ZZZ3: variants seen among roughly 807,000 people sequenced by gnomAD.
The protein encoded by ZZZ3 is zinc finger ZZ-type containing 3.
ZZZ3 carries 22 observed loss-of-function variants against 95.2 expected under a neutral mutation model. That is an observed-to-expected ratio of 0.23 (90% CI 0.17 to 0.33). The LOEUF is 0.33. Among genes scored for constraint, ZZZ3 ranks in the 10% least tolerant of loss-of-function variants. The pLI is 1.00. For synonymous variants in ZZZ3, 335 were observed against 358.9 expected, an observed-to-expected ratio of 0.93 and a Z score of 0.75; for missense variants, 885 against 1,066.5, an observed-to-expected ratio of 0.83 and a Z score of 2.37.
chr1:77,611,044 T>A (rs1467321465), intron 5 of ZZZ3, among the ~76,000 whole-genome samples: 1 of 151,840 alleles, frequency 6.6e-6, no homozygotes, highest in Non-Finnish European at 1.5e-5. Flanking sequence ...CATTTGCAGA[T>A]GACATGATCT....
At chr1:77,631,788 T>C (rs1667837557) in intron 5 of ZZZ3, 62 bp downstream of exon 5, 8 of 1,321,292 alleles carry the variant, frequency 6.1e-6, no homozygotes, top group Non-Finnish European at 8.3e-6. Flanking sequence ...TACGAATAGA[T>C]ACTGAAAAAC....
intron 6 of ZZZ3, 88 bp from the exon 7 acceptor site, chr1:77,582,214 T>C (rs1662597163): frequency 1.0e-5 from 12 of 1,183,924 alleles, no homozygotes; most frequent in Non-Finnish European, 1.4e-5. Flanking sequence ...TTCAGATGAC[T>C]CCAAATCCAA....
rs1660738613 is a variant in ZZZ3, at chr1:77,565,555, G to C, written c.*85C>G. ...TGAGTGTCATTTCTGGGAAAGCAGA[G>C]AATCTTTCCAAACTGTGCACATAAT... is the stretch of plus-strand genomic sequence containing the variant. On this transcript the variant is annotated 3_prime_UTR_variant, in exon 15 of 15. Transcript: ENST00000370801. The C allele has an allele frequency of 7.0e-7, 1 of 1,426,074 alleles. No homozygotes were observed. Among genetic ancestry groups the C allele is most frequent in the Non-Finnish European group, 9.6e-7 (1 of 1,039,128 alleles). 88.3% of individuals were successfully genotyped at this position (1,426,074 alleles called of 1,614,324 possible).
intron 5 of ZZZ3, among the ~76,000 whole-genome samples, chr1:77,630,894 C>CA (rs1230278219): frequency 6.6e-6 from 1 of 152,156 alleles, no homozygotes; most frequent in Non-Finnish European, 1.5e-5. Flanking sequence ...AAATGTTCCT[C>CA]AAATCAAAGT....
chr1:77,589,921 T>C (rs1350899474), intron 5 of ZZZ3, among the ~76,000 whole-genome samples: 1 of 152,158 alleles, frequency 6.6e-6, no homozygotes, highest in Non-Finnish European at 1.5e-5. Context: ...TTAAAAAAAC[T>C]AGATTTCCAT....
chr1:77,598,714 A>G (rs918744391), intron 5 of ZZZ3, among the ~76,000 whole-genome samples: 1 of 152,130 alleles, frequency 6.6e-6, no homozygotes, highest in African/African-American at 2.4e-5. Flanking sequence ...GGAACTCAAC[A>G]ATTTGTAAAT....
chr1:77,677,129 A>T (rs1557787813), intron 1 of ZZZ3: 1 of 152,202 alleles, frequency 6.6e-6, no homozygotes, highest in Non-Finnish European at 1.5e-5. Context: ...ACCTCAGGTC[A>T]GGAGTTCCAG....
Position 77,563,102 on chromosome 1 carries a change from G to A in ZZZ3, c.*2538C>T, listed in dbSNP as rs1660553232. 1 of 152,030 alleles carries A rather than the reference G, an allele frequency of 6.6e-6. No individual in the cohort carries two copies. The allele number at this position is 152,030 out of a possible 1,614,324, so 9.4% of individuals were successfully genotyped here. ...TTCTATTATTATGCATCACACAAAA[G>A]GAAACCTCCTCTACCTAAATCTTAC... On this transcript the variant is annotated 3_prime_UTR_variant, in exon 15 of 15. Coordinates refer to ENST00000370801, the MANE Select transcript of ZZZ3 (RefSeq NM_015534.6).
At chr1:77,618,013 C>T (rs1276735036) in intron 5 of ZZZ3, among the ~76,000 whole-genome samples, 2 of 152,060 alleles carry the variant, frequency 1.3e-5, no homozygotes, top group East Asian at 3.8e-4. Flanking sequence ...TATTGAGGAA[C>T]CACCAAACTG....
chr1:77,632,700 G>T lies in ZZZ3; in HGVS notation c.655C>A (p.Gln219Lys). Reference sequence around the variant, plus strand: ...TTTTGTTTAGTGTTCCCATCAGGCTGACAGTCATCACAGTTTATAACAGCT... The same window carrying T: ...TTTTGTTTAGTGTTCCCATCAGGCTTACAGTCATCACAGTTTATAACAGCT... Reference protein sequence around the residue: ...DSAVINCDDCQPDGNTKQNSI... With the variant: ...DSAVINCDDCKPDGNTKQNSI... Residue 219 changes from glutamine to lysine, a missense_variant, in exon 5 of 15, where the codon CAG becomes AAG. Coordinates refer to ENST00000370801, the MANE Select transcript of ZZZ3 (RefSeq NM_015534.6). 1 of 1,614,182 alleles carries T rather than the reference G, an allele frequency of 6.2e-7. No individual in the cohort carries two copies. Among genetic ancestry groups the T allele is most frequent in the Non-Finnish European group, 8.5e-7 (1 of 1,180,032 alleles).
At chr1:77,668,494 G>C (rs76118238) in intron 1 of ZZZ3, among the ~76,000 whole-genome samples, 2,473 of 152,068 alleles carry the variant, frequency 0.016, 28 homozygotes, top group Middle Eastern at 0.027. Flanking sequence ...TTTATATCAA[G>C]TACATTATAT....
intron 1 of ZZZ3, among the ~76,000 whole-genome samples, chr1:77,649,647 C>T (rs957327754): frequency 6.6e-6 from 1 of 152,104 alleles, no homozygotes; most frequent in African/African-American, 2.4e-5. Context: ...CTTTGGGAGG[C>T]CAAGGTGGGC....
At position 77,639,448 on chromosome 1, in the gene ZZZ3, C is replaced by G. The variant is rs769984550; in HGVS notation, c.-52+1G>C. 1.3e-6 allele frequency: 2 copies of G among 1,519,392 alleles called. No homozygotes were observed. Among genetic ancestry groups the G allele is most frequent in the Non-Finnish European group, 1.8e-6 (2 of 1,133,692 alleles). The allele number at this position is 1,519,392 out of a possible 1,614,324, so 94.1% of individuals were successfully genotyped here. ...CACTACTGCAAAACTAAATAACTTA[C>G]CTGTACAACCAAAGATCTATCATTG... On this transcript the variant is annotated splice_donor_variant, in intron 4 of 14. Coordinates refer to ENST00000370801, the MANE Select transcript of ZZZ3 (RefSeq NM_015534.6). LOFTEE classifies it low-confidence loss of function (5UTR_SPLICE).
At chr1:77,665,844 C>A (rs1373265355) in intron 1 of ZZZ3, among the ~76,000 whole-genome samples, 1 of 150,512 alleles carries the variant, frequency 6.6e-6, no homozygotes, top group African/African-American at 2.4e-5. Context: ...GAGTTCAAGA[C>A]CAGCCTGGCC....
chr1:77,665,727 A>G (rs1440680316), intron 1 of ZZZ3, among the ~76,000 whole-genome samples: 1 of 152,202 alleles, frequency 6.6e-6, no homozygotes, highest in African/African-American at 2.4e-5. Flanking sequence ...AGCTAGAGAA[A>G]ATATAAAATT....
chr1:77,604,051 C>CT (rs1276221194), intron 5 of ZZZ3, among the ~76,000 whole-genome samples: 1 of 152,092 alleles, frequency 6.6e-6, no homozygotes, highest in Non-Finnish European at 1.5e-5. Context: ...ACCGGTAGTC[C>CT]TAGCTACTCA....
At chr1:77,618,100 T>C (rs961758101) in intron 5 of ZZZ3, among the ~76,000 whole-genome samples, 6 of 152,114 alleles carry the variant, frequency 3.9e-5, no homozygotes, top group African/African-American at 7.2e-5. Flanking sequence ...TTATAAACAA[T>C]TGACCAAGAG....
chr1:77,597,906 A>G (rs537802297), intron 5 of ZZZ3, among the ~76,000 whole-genome samples: 1 of 152,328 alleles, frequency 6.6e-6, no homozygotes, highest in Admixed American at 6.5e-5. Flanking sequence ...ATTAATTGTA[A>G]CAAATGAACC....
chr1:77,611,468 T>C (rs2100733422), intron 5 of ZZZ3, among the ~76,000 whole-genome samples: 1 of 151,982 alleles, frequency 6.6e-6, no homozygotes, highest in East Asian at 1.9e-4. Context: ...TTTTCATAGA[T>C]ATAGAAAAAA....
Sources: allele counts gnomAD v4.1 joint callset (sites outside exome capture counted in the v4.1 genomes callset), GRCh38; gene constraint gnomAD v4.1.1; transcripts MANE v1.5; gene names NCBI Gene and HGNC (gene_info 2026-07-23, HGNC 2026-07-21).